Variants in RARB observed in about 807,000 individuals in gnomAD.
RARB encodes the protein retinoic acid receptor beta.
RARB carries 17 observed loss-of-function variants against 51.9 expected under a neutral mutation model. That is an observed-to-expected ratio of 0.33 (90% CI 0.22 to 0.49). The LOEUF is 0.49. Ranked by LOEUF, RARB falls within the 20% of genes least tolerant of loss-of-function variation. The probability of loss-of-function intolerance (pLI) is 0.99; values close to 1 mark genes in which losing one functional copy is unlikely to be tolerated. For synonymous variants in RARB, 215 were observed against 195.4 expected, an observed-to-expected ratio of 1.10 and a Z score of -0.84; for missense variants, 369 against 550.8, an observed-to-expected ratio of 0.67 and a Z score of 3.30.
At chr3:25,456,967 A>G (rs1253389999) in intron 1 of RARB, among the ~76,000 whole-genome samples, 2 of 152,098 alleles carry the variant, frequency 1.3e-5, no homozygotes, top group South Asian at 2.1e-4. Flanking sequence ...AATAAGGCCT[A>G]TAGTTCACTC....
Position 25,468,262 on chromosome 3 carries a change from G to T in RARB, c.306+6921G>T, listed in dbSNP as rs114086449. ...ATAATGGCACTGATTTCTTGTTAGG[G>T]CTGGCTTACGTGGAGTAAGAGGTCT... On this transcript the variant is annotated intron_variant, in intron 2 of 7. Transcript: ENST00000330688. Among the ~76,000 whole-genome samples, 810 of 152,200 alleles carry T rather than the reference G, an allele frequency of 5.3e-3. 10 individuals are homozygous for T. The highest frequency in any genetic ancestry group is 0.019 in the African/African-American group (768 of 41,510).
At chr3:25,336,263 C>T (rs2125448051) in intron 5 of RARB, among the ~76,000 whole-genome samples, 1 of 152,212 alleles carries the variant, frequency 6.6e-6, no homozygotes, top group African/African-American at 2.4e-5. Flanking sequence ...TACACCTTTT[C>T]TTTTAGAGAT....
At chr3:25,201,593 G>A in intron 5 of RARB, among the ~76,000 whole-genome samples, 1 of 152,286 alleles carries the variant, frequency 6.6e-6, no homozygotes, top group Non-Finnish European at 1.5e-5. Flanking sequence ...TTATTATTTT[G>A]AGATAGGTCC....
intron 3 of RARB, among the ~76,000 whole-genome samples, chr3:25,546,375 CAG>C: frequency 6.6e-6 from 1 of 152,180 alleles, no homozygotes; most frequent in Admixed American, 6.5e-5. Flanking sequence ...AGGGCAGAGG[CAG>C]AGAGAGTGTG....
At chr3:25,265,317 A>T (rs1009220093) in intron 5 of RARB, among the ~76,000 whole-genome samples, 2 of 152,226 alleles carry the variant, frequency 1.3e-5, no homozygotes, top group Non-Finnish European at 2.9e-5. Flanking sequence ...TTTCGGTACA[A>T]GAATATTTGT....
At chr3:25,596,387 C>A in intron 7 of RARB, 33 bp from the exon 8 acceptor site, 2 of 1,548,196 alleles carry the variant, frequency 1.3e-6, no homozygotes, top group South Asian at 1.1e-5. Flanking sequence ...AACTCCTTAT[C>A]TTAACCATAT....
At chr3:25,089,553 A>G (rs1699161275) in intron 3 of RARB, among the ~76,000 whole-genome samples, 1 of 152,112 alleles carries the variant, frequency 6.6e-6, no homozygotes, top group Non-Finnish European at 1.5e-5. Flanking sequence ...CACTGTATTT[A>G]GTAAATTAAC....
At chr3:24,929,793 G>A (rs1001632393) in intron 2 of RARB, among the ~76,000 whole-genome samples, 39 of 151,978 alleles carry the variant, frequency 2.6e-4, no homozygotes, top group African/African-American at 9.4e-4. Flanking sequence ...GTAATGCCTG[G>A]GCAATGCTGC....
intron 2 of RARB, among the ~76,000 whole-genome samples, chr3:24,983,727 C>T (rs1696727087): frequency 6.6e-6 from 1 of 151,892 alleles, no homozygotes; most frequent in Non-Finnish European, 1.5e-5. Context: ...AAAAATGGCC[C>T]TTTGGTCTGT....
chr3:25,116,277 CG>C (rs1461418531), intron 3 of RARB, among the ~76,000 whole-genome samples: 1 of 152,122 alleles, frequency 6.6e-6, no homozygotes, highest in East Asian at 1.9e-4. Context: ...TCACTAGTTT[CG>C]AAATGCTCTA....
intron 5 of RARB, among the ~76,000 whole-genome samples, chr3:25,367,817 C>CAAAAAAAAAA (rs369165017): frequency 1.6e-5 from 2 of 125,626 alleles, no homozygotes; most frequent in Non-Finnish European, 3.3e-5. Context: ...AAAAAACAAG[C>CAAAAAAAAAA]AAAAAAAAAA....
chr3:25,518,288 G>A (rs1213576485), intron 3 of RARB, among the ~76,000 whole-genome samples: 1 of 152,006 alleles, frequency 6.6e-6, no homozygotes, highest in East Asian at 1.9e-4. Flanking sequence ...CTGGTAGTCA[G>A]AGCTAAAAGG....
chr3:25,073,659 A>G (rs1698814955), intron 3 of RARB, among the ~76,000 whole-genome samples: 1 of 152,216 alleles, frequency 6.6e-6, no homozygotes, highest in Non-Finnish European at 1.5e-5. Context: ...GTGGTAATTT[A>G]CTTTGCAGTA....
chr3:25,137,276 T>C (rs563286764), intron 4 of RARB, among the ~76,000 whole-genome samples: 1 of 152,106 alleles, frequency 6.6e-6, no homozygotes, highest in African/African-American at 2.4e-5. Flanking sequence ...GGAATTCTTA[T>C]AATTTATCAT....
intron 2 of RARB, among the ~76,000 whole-genome samples, chr3:25,026,776 A>G (rs1261694099): frequency 6.6e-6 from 1 of 152,216 alleles, no homozygotes; most frequent in Non-Finnish European, 1.5e-5. Context: ...TTTTTGTGGT[A>G]TAAATACTCC....
chr3:25,144,732 C>T (rs1033146224), intron 4 of RARB, among the ~76,000 whole-genome samples: 4 of 152,204 alleles, frequency 2.6e-5, no homozygotes, highest in African/African-American at 7.2e-5. Flanking sequence ...CTCACATTTT[C>T]AATGTCTGGT....
intron 5 of RARB, among the ~76,000 whole-genome samples, chr3:25,329,499 C>A (rs1428177630): frequency 1.3e-5 from 2 of 151,216 alleles, no homozygotes; most frequent in Non-Finnish European, 3.0e-5. Context: ...ACCAAAACCC[C>A]ACCTATATAT....
At chr3:25,044,331 C>A (rs1226734055) in intron 2 of RARB, among the ~76,000 whole-genome samples, 1 of 152,172 alleles carries the variant, frequency 6.6e-6, no homozygotes, top group Non-Finnish European at 1.5e-5. Context: ...TTTAAAATGA[C>A]AGGCAGGAAC....
At chr3:25,027,444 A>T (rs981584656) in intron 2 of RARB, among the ~76,000 whole-genome samples, 2 of 152,086 alleles carry the variant, frequency 1.3e-5, no homozygotes, top group African/African-American at 2.4e-5. Context: ...TTATAGGGAG[A>T]CATTCATTTC....
Sources: allele counts gnomAD v4.1 joint callset (sites outside exome capture counted in the v4.1 genomes callset), GRCh38; gene constraint gnomAD v4.1.1; transcripts MANE v1.5; gene names NCBI Gene and HGNC (gene_info 2026-07-23, HGNC 2026-07-21).